GRIA2: variants seen among roughly 807,000 people sequenced by gnomAD.
The protein encoded by GRIA2 is glutamate ionotropic receptor AMPA type subunit 2.
A neutral mutation model predicts 97.3 loss-of-function variants in GRIA2; 14 were observed. The ratio of observed to expected loss-of-function variants is 0.14; its 90% CI spans 0.10 to 0.23. The LOEUF is 0.23. Among genes scored for constraint, GRIA2 ranks in the 10% least tolerant of loss-of-function variants. GRIA2 has a pLI of 1.00. For synonymous variants in GRIA2, 412 were observed against 387.8 expected (o/e 1.06, Z -0.73); for missense variants, 558 against 1,069.8 (o/e 0.52, Z 6.67).
chr4:157,220,651 T>G, upstream of GRIA2: 1 of 39,982 alleles, frequency 2.5e-5, no homozygotes, highest in Non-Finnish European at 4.1e-5. Flanking sequence ...TGCGTGTGTG[T>G]ATGTGTGTGT....
chr4:157,262,752 T>C (rs948661850), intron 2 of GRIA2, among the ~76,000 whole-genome samples: 1 of 150,718 alleles, frequency 6.6e-6, no homozygotes, highest in Non-Finnish European at 1.5e-5. Flanking sequence ...TCAATTTCCC[T>C]CTCTCTCTCT....
chr4:157,252,980 T>C (rs2126746076), intron 2 of GRIA2, among the ~76,000 whole-genome samples: 1 of 152,186 alleles, frequency 6.6e-6, no homozygotes, highest in East Asian at 1.9e-4. Flanking sequence ...TTTGCAGAAA[T>C]AAAAGCAGTG....
intron 2 of GRIA2, among the ~76,000 whole-genome samples, chr4:157,278,629 A>G (rs1200124010): frequency 1.3e-5 from 2 of 152,046 alleles, no homozygotes; most frequent in African/African-American, 4.8e-5. Context: ...GCTGGATTTC[A>G]TTAAAATTAT....
rs1429491200 is a variant in GRIA2 at position 157,220,987 on chromosome 4, G to A, written c.-56G>A. 8.1e-6 allele frequency: 7 copies of A among 860,368 alleles called. No homozygotes were observed. The highest frequency in any genetic ancestry group is 1.2e-5 in the Non-Finnish European group (6 of 497,078). The allele number at this position is 860,368 out of a possible 1,614,324, so 53.3% of individuals were successfully genotyped here. On this transcript the variant is annotated 5_prime_UTR_variant, in exon 1 of 16. Coordinates refer to ENST00000264426, the MANE Select transcript of GRIA2 (RefSeq NM_001083619.3). ...CAGAGGAAAACAGCCAAAGAAGGAAGAGGAGGAAAAGGAAAAAAAAAGGGG... is the reference window on the plus strand; with the variant it reads ...CAGAGGAAAACAGCCAAAGAAGGAAAAGGAGGAAAAGGAAAAAAAAAGGGG...
chr4:157,239,548 A>T (rs1282420338), intron 2 of GRIA2, among the ~76,000 whole-genome samples: 1 of 151,954 alleles, frequency 6.6e-6, no homozygotes, highest in East Asian at 1.9e-4. Flanking sequence ...ATAATTTCTA[A>T]TAATATACTT....
At position 157,361,309 on chromosome 4, in the gene GRIA2, A is replaced by C. The variant is rs1450061948; in HGVS notation, c.2406+185A>C. Among the ~76,000 whole-genome samples the C allele has an allele frequency of 6.6e-6, 1 of 152,198 alleles. No homozygotes were observed. Among genetic ancestry groups the C allele is most frequent in the South Asian group, 2.1e-4 (1 of 4,826 alleles). On this transcript the variant is annotated intron_variant, in intron 14 of 15. Coordinates refer to ENST00000264426, the MANE Select transcript of GRIA2 (RefSeq NM_001083619.3). The surrounding 1 kb of genome is among the most constrained non-coding windows in gnomAD (Gnocchi z 5.2). Reference sequence around the variant, plus strand: ...TACTTCTCTTTCCCTCTCTTTCTCCATATCTCAAGGAAAAATTTGTAACTA... The same window carrying C: ...TACTTCTCTTTCCCTCTCTTTCTCCCTATCTCAAGGAAAAATTTGTAACTA...
chr4:157,338,029 TATATATA>T (rs1349831211), intron 11 of GRIA2, among the ~76,000 whole-genome samples: 2 of 11,926 alleles, frequency 1.7e-4, no homozygotes, highest in Non-Finnish European at 6.4e-4. Flanking sequence ...TATATATATA[TATATATA>T]TATATATATA....
intron 2 of GRIA2, among the ~76,000 whole-genome samples, chr4:157,270,488 C>T (rs1579319653): frequency 1.3e-5 from 2 of 152,192 alleles, no homozygotes; most frequent in Admixed American, 1.3e-4. Context: ...TTAAATATCA[C>T]CAAACAAATT....
At chr4:157,336,894 G>A (rs925041006) in intron 11 of GRIA2, 147 bp downstream of exon 11, 2 of 697,916 alleles carry the variant, frequency 2.9e-6, no homozygotes, top group Admixed American at 4.8e-5. Context: ...TCTTAGCTTC[G>A]GCATAAGTCT....
intron 11 of GRIA2, among the ~76,000 whole-genome samples, chr4:157,340,313 T>C (rs2126949416): frequency 6.6e-6 from 1 of 152,096 alleles, no homozygotes; most frequent in South Asian, 2.1e-4. Flanking sequence ...TATTGGTTTG[T>C]CAATATCACT....
intron 2 of GRIA2, chr4:157,249,448 C>G (rs952946121): frequency 1.3e-5 from 2 of 151,990 alleles, no homozygotes; most frequent in African/African-American, 2.4e-5. Context: ...TCATCAAGGC[C>G]GAGAGATTTA....
At chr4:157,331,277 A>G (rs2126928597) in intron 6 of GRIA2, among the ~76,000 whole-genome samples, 1 of 152,054 alleles carries the variant, frequency 6.6e-6, no homozygotes. Context: ...TTTCAAGCTA[A>G]TCATATTTTT....
chr4:157,229,648 T>G (rs533793751), intron 2 of GRIA2, among the ~76,000 whole-genome samples: 2 of 152,322 alleles, frequency 1.3e-5, no homozygotes, highest in East Asian at 1.9e-4. Context: ...TTTATATATT[T>G]ATGGTTATGT....
chr4:157,333,899 C>A (rs1051603978), intron 8 of GRIA2, 111 bp from the exon 9 acceptor site: 4 of 640,430 alleles, frequency 6.2e-6, no homozygotes, highest in Non-Finnish European at 1.2e-5. Context: ...AGAACAAGTC[C>A]AGTAAATGTG....
At chr4:157,280,335 C>T (rs1367095986) in intron 2 of GRIA2, among the ~76,000 whole-genome samples, 1 of 152,164 alleles carries the variant, frequency 6.6e-6, no homozygotes, top group African/African-American at 2.4e-5. Flanking sequence ...GAAAATAGAA[C>T]AAGCAAGTAG....
intron 2 of GRIA2, among the ~76,000 whole-genome samples, chr4:157,260,445 C>T (rs1481189105): frequency 2.0e-5 from 3 of 152,096 alleles, no homozygotes. Context: ...CCATCTGAAG[C>T]ACTTTGTCCC....
At chr4:157,306,194 C>T (rs1295872160) in intron 3 of GRIA2, among the ~76,000 whole-genome samples, 2 of 152,078 alleles carry the variant, frequency 1.3e-5, no homozygotes, top group Non-Finnish European at 2.9e-5. Context: ...CTTACCCTCA[C>T]CATTGCTCCC....
chr4:157,359,887 T>C lies in GRIA2; in HGVS notation c.2044-9T>C, dbSNP rs752316149. On this transcript the variant is annotated splice_polypyrimidine_tract_variant and intron_variant, in intron 12 of 15. Coordinates refer to ENST00000264426, the MANE Select transcript of GRIA2 (RefSeq NM_001083619.3). ...CTTAATGCTATCTGGCCCCTTACTT[T>C]TCCTGCAGAGATCTAAAATTGCAGT... 31 of 1,612,916 alleles carry C rather than the reference T, an allele frequency of 1.9e-5. No homozygotes were observed. The highest frequency in any genetic ancestry group is 2.6e-5 in the Non-Finnish European group (31 of 1,179,142).
intron 3 of GRIA2, among the ~76,000 whole-genome samples, chr4:157,308,788 A>C (rs947745475): frequency 1.1e-4 from 16 of 152,196 alleles, no homozygotes; most frequent in African/African-American, 3.9e-4. Flanking sequence ...CTCAAGTCAT[A>C]CTTTCTCCTG....
Sources: gnomAD v4.1 joint callset for allele counts (sites outside exome capture counted in the v4.1 genomes callset) on GRCh38, gnomAD v4.1.1 for gene constraint, Gnocchi (gnomAD v3.1) non-coding constraint, MANE v1.5 for transcripts, NCBI Gene and HGNC (gene_info 2026-07-23, HGNC 2026-07-21) for gene names.